The following INPP4B variants were observed in gnomAD, a reference collection of about 807,000 sequenced individuals.
The protein encoded by INPP4B is inositol polyphosphate-4-phosphatase type II B, also known as inositol polyphosphate 4-phosphatase type II.
In INPP4B, 55 loss-of-function variants were observed where a neutral mutation model predicts 122.5. The observed-to-expected ratio is 0.45, with a 90% CI of 0.36 to 0.56. INPP4B has a LOEUF of 0.56. Ranked by LOEUF, INPP4B falls within the 20% of genes least tolerant of loss-of-function variation. INPP4B has a pLI of 0.00. For missense variants in INPP4B, 1,000 were observed against 1,097.7 expected (o/e 0.91, Z 1.26); for synonymous variants, 403 against 388.7 (o/e 1.04, Z -0.43).
At chr4:142,535,253 G>A (rs1828048632) in intron 2 of INPP4B, among the ~76,000 whole-genome samples, 1 of 152,186 alleles carries the variant, frequency 6.6e-6, no homozygotes, top group Non-Finnish European at 1.5e-5. Context: ...CAGAAAAGCT[G>A]AGAGTTTAGT....
chr4:142,095,288 T>C lies in INPP4B; in HGVS notation c.2375-9032A>G, dbSNP rs544591844. Reference sequence around the variant, plus strand: ...AGTTGTGGTTCAGGGAGGAGGAGAATGGTAAATAAAGAGTGAATGTTTGGA... The same window carrying C: ...AGTTGTGGTTCAGGGAGGAGGAGAACGGTAAATAAAGAGTGAATGTTTGGA... On this transcript the variant is annotated intron_variant, in intron 23 of 25. Transcript: ENST00000262992. 7.8e-4 allele frequency among the ~76,000 whole-genome samples: 119 copies of C among 152,162 alleles called. 1 individual carries two copies. The highest frequency in any genetic ancestry group is 2.7e-3 in the African/African-American group (113 of 41,528).
intron 5 of INPP4B, among the ~76,000 whole-genome samples, chr4:142,422,247 A>G (rs1320313222): frequency 6.6e-6 from 1 of 152,152 alleles, no homozygotes. Context: ...AGTAATTAAT[A>G]TATGTAAATT....
At chr4:142,650,479 G>A (rs1040690088) in intron 2 of INPP4B, among the ~76,000 whole-genome samples, 12 of 151,808 alleles carry the variant, frequency 7.9e-5, no homozygotes, top group African/African-American at 2.9e-4. Context: ...CCCATCTCAG[G>A]TACAGAGACA....
intron 3 of INPP4B, among the ~76,000 whole-genome samples, chr4:142,454,127 T>C (rs909598512): frequency 1.3e-5 from 2 of 152,102 alleles, no homozygotes; most frequent in Non-Finnish European, 2.9e-5. Context: ...TCCTTCTTCC[T>C]TTCCCATCTT....
chr4:142,797,015 A>G (rs1451994189), intron 1 of INPP4B, among the ~76,000 whole-genome samples: 1 of 151,952 alleles, frequency 6.6e-6, no homozygotes, highest in Admixed American at 6.6e-5. Flanking sequence ...ATAATTAAAC[A>G]TATTGCCACC....
chr4:142,750,337 G>T (rs1015814250), intron 1 of INPP4B, among the ~76,000 whole-genome samples: 1 of 151,956 alleles, frequency 6.6e-6, no homozygotes, highest in African/African-American at 2.4e-5. Context: ...AACTTCACAG[G>T]TGTAATCATG....
intron 1 of INPP4B, among the ~76,000 whole-genome samples, chr4:142,837,379 T>C (rs374455379): frequency 7.9e-5 from 12 of 152,298 alleles, no homozygotes; most frequent in African/African-American, 2.9e-4. Context: ...TATTGCATAG[T>C]ACTTTAAAGC....
intron 7 of INPP4B, among the ~76,000 whole-genome samples, chr4:142,395,167 G>A (rs1056003289): frequency 6.6e-6 from 1 of 152,118 alleles, no homozygotes; most frequent in African/African-American, 2.4e-5. Flanking sequence ...AGAGAGGACA[G>A]GAACATGACA....
intron 2 of INPP4B, among the ~76,000 whole-genome samples, chr4:142,699,754 C>T (rs1323704515): frequency 6.6e-6 from 1 of 152,158 alleles, no homozygotes; most frequent in Non-Finnish European, 1.5e-5. Context: ...ATGCAAGCTC[C>T]CATCAAAAGG....
chr4:142,716,516 T>C (rs1763790961), intron 2 of INPP4B, among the ~76,000 whole-genome samples: 1 of 152,192 alleles, frequency 6.6e-6, no homozygotes, highest in Admixed American at 6.5e-5. Flanking sequence ...CTGGCTGCCA[T>C]AAGTCAACAT....
chr4:142,659,147 C>A (rs1462394522), intron 2 of INPP4B, among the ~76,000 whole-genome samples: 1 of 151,840 alleles, frequency 6.6e-6, no homozygotes. Flanking sequence ...CACCTATAAT[C>A]CCAGCACTTT....
chr4:142,137,432 C>G (rs1173611970), intron 18 of INPP4B, among the ~76,000 whole-genome samples: 1 of 103,632 alleles, frequency 9.6e-6, no homozygotes, highest in Non-Finnish European at 2.2e-5. Flanking sequence ...CATAAAAACC[C>G]TAGAAGAAAA....
intron 11 of INPP4B, among the ~76,000 whole-genome samples, chr4:142,245,222 G>T (rs1727341689): frequency 6.6e-6 from 1 of 152,084 alleles, no homozygotes; most frequent in Non-Finnish European, 1.5e-5. Context: ...TCTTTAATTA[G>T]ATCCCATTTG....
chr4:142,845,736 G>C (rs1226692870), intron 1 of INPP4B, among the ~76,000 whole-genome samples: 1 of 151,226 alleles, frequency 6.6e-6, no homozygotes, highest in Non-Finnish European at 1.5e-5. Flanking sequence ...GGCCGGCGGC[G>C]GCGGCGGCGG....
intron 9 of INPP4B, among the ~76,000 whole-genome samples, chr4:142,288,213 G>C (rs1754732890): frequency 6.6e-6 from 1 of 152,170 alleles, no homozygotes; most frequent in African/African-American, 2.4e-5. Context: ...TTTAATATTG[G>C]TCATTATTTC....
chr4:142,371,870 G>A, intron 7 of INPP4B, among the ~76,000 whole-genome samples: 1 of 150,078 alleles, frequency 6.7e-6, no homozygotes, highest in African/African-American at 2.5e-5. Flanking sequence ...AAACGGCATG[G>A]AAGTCTCTCA....
intron 18 of INPP4B, among the ~76,000 whole-genome samples, chr4:142,130,533 G>C (rs548785012): frequency 5.3e-5 from 8 of 152,216 alleles, no homozygotes; most frequent in African/African-American, 1.9e-4. Context: ...AAGAAGCAAG[G>C]CCACATCAGA....
In INPP4B at chr4:142,718,158, A is replaced by G. The variant is rs79265971; in HGVS notation, c.-191+7681T>C. The stretch of plus-strand genomic sequence containing the variant: ...AAAATTTAGAATGCAGCAGCAGAAA[A>G]GCAGTCTTTGAATGTCAGATTGAGG... On this transcript the variant is annotated intron_variant, in intron 2 of 25. Transcript: ENST00000262992. Among the ~76,000 whole-genome samples the G allele has an allele frequency of 4.3e-3, 648 of 152,274 alleles. 5 individuals are homozygous for G. The highest frequency in any genetic ancestry group is 0.015 in the African/African-American group (620 of 41,552).
intron 7 of INPP4B, among the ~76,000 whole-genome samples, chr4:142,389,125 C>T (rs1489204608): frequency 1.3e-5 from 2 of 151,932 alleles, no homozygotes; most frequent in Non-Finnish European, 2.9e-5. Flanking sequence ...TGGCAGGTGC[C>T]TATAATCCCA....
Sources: allele counts gnomAD v4.1 joint callset (sites outside exome capture counted in the v4.1 genomes callset), GRCh38; gene constraint gnomAD v4.1.1; transcripts MANE v1.5; gene names NCBI Gene and HGNC (gene_info 2026-07-23, HGNC 2026-07-21).